The following MAP3K3 variants were observed in gnomAD, a reference collection of about 807,000 sequenced individuals.
The protein encoded by MAP3K3 is MAP/ERK kinase kinase 3.
Under a neutral mutation model 80.9 loss-of-function variants are expected in MAP3K3, and 12 were observed. That is an observed-to-expected ratio of 0.15 (90% confidence interval 0.10 to 0.24). The LOEUF is 0.24. MAP3K3 is among the 10% of genes least tolerant of loss of function. MAP3K3 has a pLI of 1.00. For synonymous variants in MAP3K3, 272 were observed against 307.1 expected, an observed-to-expected ratio of 0.89 and a Z score of 1.19; for missense variants, 596 against 834.7, an observed-to-expected ratio of 0.71 and a Z score of 3.52.
At chr17:63,685,428 G>T in intron 7 of MAP3K3, 89 bp from the exon 8 acceptor site, 1 of 947,786 alleles carries the variant, frequency 1.1e-6, no homozygotes, top group South Asian at 1.3e-5. Context: ...TGACAAAAAG[G>T]CCCATTTGCT....
chr17:63,694,152 T>A lies in MAP3K3; in HGVS notation c.*375T>A, dbSNP rs566150269. 10 of 184,932 alleles carry A rather than the reference T, an allele frequency of 5.4e-5. No homozygotes were observed. The highest frequency in any genetic ancestry group is 1.2e-4 in the Admixed American group (2 of 16,102). 11.5% of individuals were successfully genotyped at this position (184,932 alleles called of 1,614,324 possible). ...AAGACTGACGCCAGGGTATGAAGAG[T>A]GTTATTTTCATTCAAAGTGTTATTT... On this transcript the variant is annotated 3_prime_UTR_variant, in exon 16 of 16. Coordinates refer to ENST00000361733, the MANE Select transcript of MAP3K3 (RefSeq NM_002401.5).
intron 7 of MAP3K3, among the ~76,000 whole-genome samples, chr17:63,684,493 T>A (rs2035406442): frequency 6.6e-6 from 1 of 152,194 alleles, no homozygotes; most frequent in East Asian, 1.9e-4. Flanking sequence ...TTTTAAAAAA[T>A]CATGTGTGAC....
At chr17:63,654,295 A>G (rs1653071642) in intron 4 of MAP3K3, among the ~76,000 whole-genome samples, 2 of 95,610 alleles carry the variant, frequency 2.1e-5, no homozygotes, top group Non-Finnish European at 2.4e-5. Context: ...TATTCTGAAC[A>G]TTTCGTGTAG....
At position 63,632,837 on chromosome 17, in the gene MAP3K3, G is replaced by A. The variant is rs376633157; in HGVS notation, c.126+35G>A. The A allele has an allele frequency of 3.5e-5, 56 of 1,611,816 alleles. No individual in the cohort carries two copies. In the African/African-American group the frequency reaches 7.2e-4, roughly 21 times the overall value. On this transcript the variant is annotated intron_variant, in intron 2 of 15. Coordinates refer to ENST00000361733, the MANE Select transcript of MAP3K3 (RefSeq NM_002401.5). ...ACCCTGGCAGAGCTAAGTGAGATTT[G>A]TTGGGGAGGGGTTTTCAAATGGGAA... is the stretch of plus-strand genomic sequence containing the variant.
chr17:63,634,390 C>T (rs1341576321), intron 2 of MAP3K3, among the ~76,000 whole-genome samples: 2 of 152,062 alleles, frequency 1.3e-5, no homozygotes, highest in Non-Finnish European at 2.9e-5. Flanking sequence ...ATTGGAAGGC[C>T]CAAAAGGACG....
intron 1 of MAP3K3, among the ~76,000 whole-genome samples, chr17:63,625,202 A>G (rs576006345): frequency 1.6e-3 from 244 of 152,368 alleles, no homozygotes; most frequent in African/African-American, 5.5e-3. Flanking sequence ...ACTTGGGTTA[A>G]TAAAAACATG....
At chr17:63,658,604 C>T (rs2034820098) in intron 5 of MAP3K3, among the ~76,000 whole-genome samples, 1 of 152,174 alleles carries the variant, frequency 6.6e-6, no homozygotes, top group African/African-American at 2.4e-5. Context: ...TTCTTGGCAC[C>T]ATTTCCTTTT....
chr17:63,674,244 A>G (rs913049596), intron 6 of MAP3K3, among the ~76,000 whole-genome samples: 2 of 152,046 alleles, frequency 1.3e-5, no homozygotes, highest in Admixed American at 6.5e-5. Context: ...AGTGGAGGCA[A>G]TCAGGTTTTT....
chr17:63,658,884 G>A (rs56676888), intron 5 of MAP3K3, among the ~76,000 whole-genome samples: 4,877 of 152,000 alleles, frequency 0.032, 276 homozygotes, highest in African/African-American at 0.11. Context: ...ATAGGTGCCC[G>A]CCACCATGCC....
chr17:63,659,896 T>C (rs1054506545), intron 5 of MAP3K3, among the ~76,000 whole-genome samples: 1 of 152,120 alleles, frequency 6.6e-6, no homozygotes, highest in Non-Finnish European at 1.5e-5. Flanking sequence ...GGTATATAAA[T>C]TATAAGGCTA....
At chr17:63,631,931 G>T (rs1043725458) in intron 1 of MAP3K3, among the ~76,000 whole-genome samples, 5 of 152,090 alleles carry the variant, frequency 3.3e-5, no homozygotes, top group African/African-American at 1.2e-4. Flanking sequence ...CCCTTATTTG[G>T]TACCTTTTAA....
intron 3 of MAP3K3, 68 bp from the exon 4 acceptor site, chr17:63,652,489 A>G (rs1008670596): frequency 1.0e-6 from 1 of 987,824 alleles, no homozygotes; most frequent in Non-Finnish European, 1.6e-6. Flanking sequence ...ATATACTCAG[A>G]CCATTGCTTT....
chr17:63,626,248 C>A (rs1440711557), intron 1 of MAP3K3, among the ~76,000 whole-genome samples: 2 of 152,132 alleles, frequency 1.3e-5, no homozygotes, highest in Admixed American at 1.3e-4. Context: ...TCCTATGTGC[C>A]AGGCATAGTA....
intron 6 of MAP3K3, among the ~76,000 whole-genome samples, chr17:63,671,705 A>T (rs1248333390): frequency 6.6e-6 from 1 of 152,108 alleles, no homozygotes; most frequent in Non-Finnish European, 1.5e-5. Flanking sequence ...TATTCTTAAA[A>T]TTTCTTTTTT....
intron 6 of MAP3K3, among the ~76,000 whole-genome samples, chr17:63,671,475 C>T (rs946231344): frequency 1.2e-4 from 18 of 152,022 alleles, no homozygotes; most frequent in Admixed American, 2.6e-4. Context: ...AGGATGGTCT[C>T]GATCTCTTGA....
At chr17:63,622,960 C>A (rs1340824882) in intron 1 of MAP3K3, among the ~76,000 whole-genome samples, 197 bp downstream of exon 1, 3 of 145,010 alleles carry the variant, frequency 2.1e-5, no homozygotes, top group South Asian at 4.5e-4. Flanking sequence ...CTCCGCGGGG[C>A]GGCCCGGCCG....
At chr17:63,680,432 T>G (rs1167400932) in intron 6 of MAP3K3, among the ~76,000 whole-genome samples, 1 of 152,202 alleles carries the variant, frequency 6.6e-6, no homozygotes, top group Non-Finnish European at 1.5e-5. Context: ...TGGGTATAGT[T>G]AAAGCTTTTT....
intron 2 of MAP3K3, among the ~76,000 whole-genome samples, chr17:63,639,100 A>G (rs1243833503): frequency 6.6e-6 from 1 of 152,220 alleles, no homozygotes; most frequent in Non-Finnish European, 1.5e-5. Flanking sequence ...AGTGAGGACT[A>G]CATGAAAAAA....
intron 5 of MAP3K3, among the ~76,000 whole-genome samples, chr17:63,658,967 C>G (rs1270588017): frequency 1.3e-5 from 2 of 152,142 alleles, no homozygotes; most frequent in African/African-American, 4.8e-5. Flanking sequence ...AATTCCTGAC[C>G]TCAGGTGATC....
Sources: gnomAD v4.1 joint callset for allele counts (sites outside exome capture counted in the v4.1 genomes callset) on GRCh38, gnomAD v4.1.1 for gene constraint, MANE v1.5 for transcripts, NCBI Gene and HGNC (gene_info 2026-07-23, HGNC 2026-07-21) for gene names.